Variants in ATP2C2 observed in about 807,000 individuals in gnomAD.
ATP2C2 encodes the protein ATPase secretory pathway Ca2+ transporting 2.
Under a neutral mutation model 110.8 loss-of-function variants are expected in ATP2C2, and 171 were observed. The ratio of observed to expected loss-of-function variants is 1.54; its 90% CI spans 1.36 to 1.75. The LOEUF (loss-of-function observed/expected upper bound fraction) is 1.75. Among genes scored for constraint, ATP2C2 ranks in the 40% most tolerant of loss-of-function variants. ATP2C2 has a pLI of 0.00. For synonymous variants in ATP2C2, 804 were observed against 508.4 expected (o/e 1.58, Z -7.82); for missense variants, 1,963 against 1,235.0 (o/e 1.59, Z -8.84).
intron 7 of ATP2C2, among the ~76,000 whole-genome samples, chr16:84,418,054 C>A (rs892405843): frequency 6.6e-6 from 1 of 152,150 alleles, no homozygotes; most frequent in African/African-American, 2.4e-5. Flanking sequence ...AGAGGAAGCC[C>A]TCAGTCAGAG....
intron 11 of ATP2C2, among the ~76,000 whole-genome samples, chr16:84,433,374 C>A (rs1908449750): frequency 6.7e-6 from 1 of 150,360 alleles, no homozygotes; most frequent in Non-Finnish European, 1.5e-5. Context: ...CACAGCAAGA[C>A]CCTATCTTAA....
At chr16:84,374,494 A>T (rs1910140613) in intron 1 of ATP2C2, among the ~76,000 whole-genome samples, 1 of 152,230 alleles carries the variant, frequency 6.6e-6, no homozygotes, top group Non-Finnish European at 1.5e-5. Flanking sequence ...GAAAACTTGA[A>T]GGCTCCTGAG....
intron 9 of ATP2C2, 37 bp from the exon 10 acceptor site, chr16:84,423,151 A>G: frequency 1.3e-6 from 2 of 1,573,302 alleles, no homozygotes; most frequent in Non-Finnish European, 8.7e-7. Context: ...AGAAGCTAGG[A>G]TCTTGTCCAA....
intron 1 of ATP2C2, among the ~76,000 whole-genome samples, chr16:84,382,145 C>A (rs1910612677): frequency 6.6e-6 from 1 of 152,114 alleles, no homozygotes; most frequent in Non-Finnish European, 1.5e-5. Flanking sequence ...CTCCCCACAC[C>A]CCCTGACAGG....
At chr16:84,386,582 T>G (rs1904331072) in intron 1 of ATP2C2, among the ~76,000 whole-genome samples, 1 of 152,212 alleles carries the variant, frequency 6.6e-6, no homozygotes. Context: ...TTTGTCCTGT[T>G]GCTAGCTCCT....
rs536580066 is a variant in ATP2C2 at position 84,453,390 on chromosome 16, G to T, written c.1980+19G>T. ...CATCAAGGTTCGCTGGGCAAGGCAG[G>T]CACAGGCTGCGCTGCTGGGGCCGGG... On this transcript the variant is annotated intron_variant, in intron 20 of 26. Transcript: ENST00000262429. 2 of 1,613,984 alleles carry T rather than the reference G, an allele frequency of 1.2e-6. No individual in the cohort carries two copies. Among genetic ancestry groups the T allele is most frequent in the East Asian group, 2.2e-5 (1 of 44,884 alleles).
intron 1 of ATP2C2, among the ~76,000 whole-genome samples, chr16:84,373,898 T>C (rs903826872): frequency 6.6e-6 from 1 of 152,232 alleles, no homozygotes; most frequent in African/African-American, 2.4e-5. Context: ...CTAATGTGTG[T>C]ATGTACAAAA....
intron 11 of ATP2C2, among the ~76,000 whole-genome samples, chr16:84,431,375 A>G (rs1029921438): frequency 1.3e-5 from 2 of 152,054 alleles, no homozygotes; most frequent in African/African-American, 4.8e-5. Context: ...TGTACCTGTA[A>G]TCCCAGCTAC....
In ATP2C2 at chr16:84,461,989, C is replaced by G. The variant is rs1313409657; in HGVS notation, c.2582C>G (p.Thr861Ser). 4 of 1,613,206 alleles carry G rather than the reference C, an allele frequency of 2.5e-6. No homozygotes were observed. Among genetic ancestry groups the G allele is most frequent in the Non-Finnish European group, 2.5e-6 (3 of 1,179,424 alleles). The change falls in exon 26 of 27, where the codon ACC becomes AGC. Residue 861 changes from threonine to serine, a missense_variant and splice_region_variant. By Grantham distance (58) the Thr-to-Ser change is moderately conservative. Coordinates refer to ENST00000262429, the MANE Select transcript of ATP2C2 (RefSeq NM_014861.4). ...CCCCGTGTGACCTTCTCCCTGCAGA[C>G]CAAGCTGATATTTGAGATCGGCTTT... ...LFNALTCRSQTKLIFEIGFLR... is the reference protein window; with the variant it reads ...LFNALTCRSQSKLIFEIGFLR...
At chr16:84,421,538 C>T (rs553163658) in intron 7 of ATP2C2, among the ~76,000 whole-genome samples, 1 of 152,218 alleles carries the variant, frequency 6.6e-6, no homozygotes, top group African/African-American at 2.4e-5. Flanking sequence ...CTTACATGAC[C>T]AGGTCCCTAG....
intron 26 of ATP2C2, chr16:84,462,788 G>C (rs1253083957): frequency 6.5e-6 from 1 of 152,952 alleles, no homozygotes; most frequent in Admixed American, 6.5e-5. Flanking sequence ...TAGAGGACGA[G>C]GGAGGCCAGT....
chr16:84,396,771 C>T (rs1216792256), intron 1 of ATP2C2, among the ~76,000 whole-genome samples: 6 of 151,756 alleles, frequency 4.0e-5, no homozygotes, highest in Non-Finnish European at 8.8e-5. Flanking sequence ...TTTGAAGTAA[C>T]TCTACAAAGA....
In ATP2C2 at chr16:84,408,956, AC is replaced by A. The variant is rs546830191; in HGVS notation, c.417+464del. Among the ~76,000 whole-genome samples, 657 of 152,232 alleles carry A rather than the reference AC, an allele frequency of 4.3e-3. 3 individuals carry two copies. The highest frequency in any genetic ancestry group is 7.2e-3 in the Non-Finnish European group (488 of 68,020). Reference sequence around the variant, plus strand: ...AGTACATTCATGATATGGTGCCACCACCACCTCTGCCTAGTTCCAAAACATT... The same window carrying A: ...AGTACATTCATGATATGGTGCCACCACACCTCTGCCTAGTTCCAAAACATT... On this transcript the variant is annotated intron_variant, in intron 4 of 26. Coordinates refer to ENST00000262429, the MANE Select transcript of ATP2C2 (RefSeq NM_014861.4).
intron 2 of ATP2C2, among the ~76,000 whole-genome samples, chr16:84,399,626 A>C (rs1905199699): frequency 1.3e-5 from 2 of 152,024 alleles, no homozygotes; most frequent in South Asian, 4.2e-4. Flanking sequence ...TTTCTTTTTT[A>C]TTTTTAATTT....
intron 11 of ATP2C2, among the ~76,000 whole-genome samples, chr16:84,437,811 C>T (rs2150564342): frequency 6.6e-6 from 1 of 152,344 alleles, no homozygotes; most frequent in South Asian, 2.1e-4. Context: ...CCACCACCCC[C>T]TGCCTAGAAC....
intron 15 of ATP2C2, among the ~76,000 whole-genome samples, chr16:84,444,238 C>T (rs184128027): frequency 2.6e-4 from 39 of 149,866 alleles, no homozygotes; most frequent in Admixed American, 5.3e-4. Context: ...TTTGGGAGAC[C>T]GAGGCAGGTG....
chr16:84,415,393 GTGTTTCTATTCTCCTTGTTCAAA>G, intron 6 of ATP2C2, 67 bp from the exon 7 acceptor site: 2 of 1,075,664 alleles, frequency 1.9e-6, no homozygotes, highest in Non-Finnish European at 2.9e-6. Flanking sequence ...AGAGAAAAGT[GTGTTTCTATTCTCCTTGTTCAAA>G]TGTATCAAGG....
At chr16:84,415,035 C>T (rs764466855) in intron 6 of ATP2C2, among the ~76,000 whole-genome samples, 1 of 152,122 alleles carries the variant, frequency 6.6e-6, no homozygotes, top group South Asian at 2.1e-4. Flanking sequence ...CTGAGGGCAG[C>T]TGGTCATGGC....
At chr16:84,379,737 T>C (rs1489523250) in intron 1 of ATP2C2, among the ~76,000 whole-genome samples, 1 of 152,156 alleles carries the variant, frequency 6.6e-6, no homozygotes, top group African/African-American at 2.4e-5. Flanking sequence ...CTCTTGCAGA[T>C]ACTAGAGACA....
Sources: allele counts gnomAD v4.1 joint callset (sites outside exome capture counted in the v4.1 genomes callset), GRCh38; gene constraint gnomAD v4.1.1; transcripts MANE v1.5; gene names NCBI Gene and HGNC (gene_info 2026-07-23, HGNC 2026-07-21).